RNF150: variants seen among roughly 807,000 people sequenced by gnomAD.
RNF150 encodes ring finger protein 150.
In RNF150, 24 loss-of-function variants were observed where a neutral mutation model predicts 39.3. The observed-to-expected ratio is 0.61, with a 90% CI of 0.44 to 0.86. The LOEUF (loss-of-function observed/expected upper bound fraction) is 0.86, where lower values mean the gene tolerates loss of function less well. RNF150 is among the 40% of genes least tolerant of loss of function. RNF150 has a pLI of 0.00. For missense variants in RNF150, 502 were observed against 587.8 expected (o/e 0.85, Z 1.51); for synonymous variants, 255 against 227.3 (o/e 1.12, Z -1.10).
intron 1 of RNF150, among the ~76,000 whole-genome samples, chr4:141,047,679 A>G (rs1451262975): frequency 6.6e-6 from 1 of 152,170 alleles, no homozygotes; most frequent in East Asian, 1.9e-4. Context: ...AATCACATGC[A>G]CAGGATTTTC....
chr4:140,963,800 G>C lies in RNF150; in HGVS notation c.735+3823C>G, dbSNP rs537881803. ...GATCTAAAGAGAAAACTTAGACTAT[G>C]GCCATTGGAAAGACATTGGTTAAAA... On this transcript the variant is annotated intron_variant, in intron 2 of 6. Transcript: ENST00000515673. Among the ~76,000 whole-genome samples, 8 of 152,028 alleles carry C rather than the reference G, an allele frequency of 5.3e-5. No homozygotes were observed. In the East Asian group the frequency reaches 1.4e-3, roughly 26 times the overall value.
chr4:140,904,633 C>G (rs557626046), intron 6 of RNF150, among the ~76,000 whole-genome samples: 1 of 152,312 alleles, frequency 6.6e-6, no homozygotes, highest in East Asian at 1.9e-4. Context: ...TCACATAAAA[C>G]CTGGACATTG....
chr4:141,145,508 T>C (rs531013607), intron 1 of RNF150, among the ~76,000 whole-genome samples: 63 of 152,308 alleles, frequency 4.1e-4, no homozygotes, highest in African/African-American at 1.4e-3. Flanking sequence ...AGAGTGAGTA[T>C]GTAGGTGTAG....
At chr4:140,923,273 A>C (rs1297585698) in intron 5 of RNF150, among the ~76,000 whole-genome samples, 1 of 152,188 alleles carries the variant, frequency 6.6e-6, no homozygotes, top group South Asian at 2.1e-4. Flanking sequence ...CAAATTTACA[A>C]GAAAAAAAGA....
chr4:141,190,233 G>C (rs1728083828), intron 1 of RNF150, among the ~76,000 whole-genome samples: 1 of 152,184 alleles, frequency 6.6e-6, no homozygotes, highest in Non-Finnish European at 1.5e-5. Flanking sequence ...TTCTGCATTG[G>C]TCTCGCTGGT....
rs894343081 is a variant in RNF150, at chr4:140,898,428, G to A, written c.1198+12716C>T. Among the ~76,000 whole-genome samples, 9 of 152,176 alleles carry A rather than the reference G, an allele frequency of 5.9e-5. No homozygotes were observed. In the South Asian group the frequency reaches 1.4e-3, roughly 25 times the overall value. On this transcript the variant is annotated intron_variant, in intron 6 of 6. Coordinates refer to ENST00000515673, the MANE Select transcript of RNF150 (RefSeq NM_020724.2). Reference sequence around the variant, plus strand: ...ACTATTACATAAAGTTGATGGTACTGAGTAACATGTATGTATGCGTGCAGT... The same window carrying A: ...ACTATTACATAAAGTTGATGGTACTAAGTAACATGTATGTATGCGTGCAGT...
intron 1 of RNF150, among the ~76,000 whole-genome samples, chr4:141,057,834 T>C (rs1284395585): frequency 6.6e-6 from 1 of 152,136 alleles, no homozygotes; most frequent in Non-Finnish European, 1.5e-5. Flanking sequence ...CCAAACCCCA[T>C]GTGCAGAAGC....
chr4:140,969,458 G>A (rs564741141), intron 1 of RNF150, among the ~76,000 whole-genome samples: 1 of 152,072 alleles, frequency 6.6e-6, no homozygotes, highest in African/African-American at 2.4e-5. Flanking sequence ...TTTGGTTAAT[G>A]GCTGCATGTG....
intron 1 of RNF150, among the ~76,000 whole-genome samples, chr4:141,205,008 G>A (rs1728351761): frequency 6.6e-6 from 1 of 151,978 alleles, no homozygotes; most frequent in Non-Finnish European, 1.5e-5. Context: ...AACCCATTTG[G>A]GATAAACATG....
intron 5 of RNF150, among the ~76,000 whole-genome samples, chr4:140,919,924 C>T (rs894832499): frequency 4.6e-5 from 7 of 152,264 alleles, no homozygotes; most frequent in Admixed American, 1.3e-4. Flanking sequence ...CTGAGAAAAA[C>T]AAGCAAGGGG....
At chr4:141,020,898 T>A (rs756486424) in intron 1 of RNF150, among the ~76,000 whole-genome samples, 9 of 152,166 alleles carry the variant, frequency 5.9e-5, no homozygotes, top group Non-Finnish European at 1.0e-4. Flanking sequence ...GTGGTTAGGC[T>A]GTGTGAAGGA....
intron 1 of RNF150, among the ~76,000 whole-genome samples, chr4:141,025,852 T>G (rs1425428): frequency 0.41 from 62,874 of 152,018 alleles, 13,873 homozygotes; most frequent in Non-Finnish European, 0.48. Flanking sequence ...ACTGAATGTT[T>G]GTGTCCTCTA....
At chr4:141,150,507 C>T (rs76496922) in intron 1 of RNF150, among the ~76,000 whole-genome samples, 3,390 of 152,268 alleles carry the variant, frequency 0.022, 131 homozygotes, top group African/African-American at 0.077. Flanking sequence ...ACACAGCTGC[C>T]AAGCAATCAT....
chr4:141,192,376 T>C (rs938368415), intron 1 of RNF150, among the ~76,000 whole-genome samples: 1 of 152,172 alleles, frequency 6.6e-6, no homozygotes, highest in Non-Finnish European at 1.5e-5. Context: ...GAGTATTCGA[T>C]AGTGAATAAA....
chr4:140,884,971 C>G (rs1273301031), intron 6 of RNF150, among the ~76,000 whole-genome samples: 1 of 152,154 alleles, frequency 6.6e-6, no homozygotes, highest in African/African-American at 2.4e-5. Flanking sequence ...GCCTGGAGTG[C>G]AGGAACTTCT....
chr4:141,120,790 T>A (rs1726582524), intron 1 of RNF150, among the ~76,000 whole-genome samples: 1 of 152,132 alleles, frequency 6.6e-6, no homozygotes, highest in Non-Finnish European at 1.5e-5. Context: ...CTGAGGACAA[T>A]GGCAAGAACT....
At chr4:141,139,372 G>A (rs1274372722) in intron 1 of RNF150, among the ~76,000 whole-genome samples, 1 of 152,238 alleles carries the variant, frequency 6.6e-6, no homozygotes, top group Non-Finnish European at 1.5e-5. Context: ...AATTGTGAAG[G>A]TGGAGTGTGG....
intron 6 of RNF150, among the ~76,000 whole-genome samples, chr4:140,878,319 C>T (rs1368658963): frequency 2.0e-5 from 3 of 151,780 alleles, no homozygotes; most frequent in Non-Finnish European, 4.4e-5. Context: ...TACAGGTATG[C>T]ACCACCATGC....
rs565114447 is a variant in RNF150, at chr4:141,203,447, A to T, written c.-6+9347T>A. 2.8e-4 allele frequency among the ~76,000 whole-genome samples: 43 copies of T among 151,754 alleles called. No homozygotes were observed. The East Asian group carries it at 6.6e-3, about 23-fold the overall frequency. On this transcript the variant is annotated intron_variant, in intron 1 of 7. Transcript: ENST00000420921. The stretch of plus-strand genomic sequence containing the variant: ...ATATTTATGCAGGCAAAAATACTCG[A>T]TTATAACAAAAAATGTGGACTTTGA...
Sources: allele counts gnomAD v4.1 joint callset (sites outside exome capture counted in the v4.1 genomes callset), GRCh38; gene constraint gnomAD v4.1.1; transcripts MANE v1.5; gene names NCBI Gene and HGNC (gene_info 2026-07-23, HGNC 2026-07-21).